Variants in CACFD1 observed in about 807,000 individuals in gnomAD.
CACFD1 encodes calcium channel flower domain containing 1.
In CACFD1, 26 loss-of-function variants were observed where a neutral mutation model predicts 21.3. The observed-to-expected ratio is 1.22, with a 90% CI of 0.89 to 1.69. The LOEUF (loss-of-function observed/expected upper bound fraction) is 1.69. Among genes scored for constraint, CACFD1 ranks in the 40% most tolerant of loss-of-function variants. The pLI is 0.00. For missense variants in CACFD1, 265 were observed against 236.2 expected, an observed-to-expected ratio of 1.12 and a Z score of -0.80; for synonymous variants, 121 against 106.6, an observed-to-expected ratio of 1.13 and a Z score of -0.83.
At chr9:133,460,441 G>A (rs587614279) in intron 1 of CACFD1, among the ~76,000 whole-genome samples, 1 of 145,420 alleles carries the variant, frequency 6.9e-6, no homozygotes, top group Non-Finnish European at 1.5e-5. Flanking sequence ...GAACATTCCC[G>A]GAGGGACCAG....
In CACFD1 at chr9:133,468,946, C is replaced by CCTGTGACCTG. The variant is rs1268562478; in HGVS notation, c.*304_*313dup. On this transcript the variant is annotated 3_prime_UTR_variant, in exon 5 of 5. Coordinates refer to ENST00000316948, the MANE Select transcript of CACFD1 (RefSeq NM_017586.5). Reference sequence around the variant, plus strand: ...AGATCTCACACCACAGACAGGGCTGCCTGTGACCTGCTGTGACCTGGGAGC... The same window carrying CCTGTGACCTG: ...AGATCTCACACCACAGACAGGGCTGCCTGTGACCTGCTGTGACCTGCTGTGACCTGGGAGC... The CCTGTGACCTG allele has an allele frequency of 2.3e-6, 1 of 442,164 alleles. No homozygotes were observed. Among genetic ancestry groups the CCTGTGACCTG allele is most frequent in the Non-Finnish European group, 4.0e-6 (1 of 251,904 alleles). The allele number at this position is 442,164 out of a possible 1,614,324, so 27.4% of individuals were successfully genotyped here.
chr9:133,468,692 C>G lies in CACFD1; in HGVS notation c.*39C>G. On this transcript the variant is annotated 3_prime_UTR_variant, in exon 5 of 5. Coordinates refer to ENST00000316948, the MANE Select transcript of CACFD1 (RefSeq NM_017586.5). The stretch of plus-strand genomic sequence containing the variant: ...CCTCCCTCCCTGTCCCCTCTTCTGG[C>G]TCTGTGTGGGTCCAAGTGAGGCCTG... 15 of 1,536,074 alleles carry G rather than the reference C, an allele frequency of 9.8e-6. No individual in the cohort carries two copies. Among genetic ancestry groups the G allele is most frequent in the Non-Finnish European group, 1.2e-5 (14 of 1,142,836 alleles).
At chr9:133,462,771 G>A (rs1449075891) in intron 1 of CACFD1, among the ~76,000 whole-genome samples, 5 of 152,242 alleles carry the variant, frequency 3.3e-5, no homozygotes, top group African/African-American at 1.2e-4. Flanking sequence ...CTGAGCATCA[G>A]AGAAGCCACG....
Position 133,461,493 on chromosome 9 carries a change from T to G in CACFD1, c.121+1306T>G, listed in dbSNP as rs78879538. Among the ~76,000 whole-genome samples, 1,314 of 152,330 alleles carry G rather than the reference T, an allele frequency of 8.6e-3. 19 individuals carry two copies. Among genetic ancestry groups the G allele is most frequent in the African/African-American group, 0.03 (1,259 of 41,566 alleles). ...AGTCCTGTCATGTCTGGTTAGCTGT[T>G]TTCCCTGCAGATTAGGGTGGGCAGT... On this transcript the variant is annotated intron_variant, in intron 1 of 4. Transcript: ENST00000316948.
chr9:133,468,399 CAGAG>C (rs1359987953), intron 4 of CACFD1, 160 bp from the exon 5 acceptor site: 19 of 1,535,868 alleles, frequency 1.2e-5, no homozygotes, highest in Non-Finnish European at 1.6e-5. Context: ...GGGCCATTCT[CAGAG>C]GGGACAAGAC....
At position 133,465,560 on chromosome 9, in the gene CACFD1, A is replaced by G. The variant is rs929582302; in HGVS notation, c.320+113A>G. On this transcript the variant is annotated intron_variant, in intron 3 of 4. Transcript: ENST00000316948. The surrounding 1 kb of genome is among the most constrained non-coding windows in gnomAD (Gnocchi z 5.0). ...AGTGTATTCAGTTCCTCTCTGTGGAAGTGTAAACTGGGATTGCCTTTGTGC... is the reference window on the plus strand; with the variant it reads ...AGTGTATTCAGTTCCTCTCTGTGGAGGTGTAAACTGGGATTGCCTTTGTGC... 7.2e-6 allele frequency: 8 copies of G among 1,114,448 alleles called. No homozygotes were observed. In the African/African-American group the frequency reaches 1.1e-4, roughly 15 times the overall value. The allele number at this position is 1,114,448 out of a possible 1,614,324, so 69.0% of individuals were successfully genotyped here.
At chr9:133,466,228 G>T (rs1261117730) in intron 3 of CACFD1, among the ~76,000 whole-genome samples, 1 of 152,182 alleles carries the variant, frequency 6.6e-6, no homozygotes, top group Non-Finnish European at 1.5e-5. Flanking sequence ...TACACGCAGT[G>T]TCATGTCCTT....
chr9:133,460,379 C>T (rs55659187), intron 1 of CACFD1, among the ~76,000 whole-genome samples, 192 bp downstream of exon 1: 1 of 145,974 alleles, frequency 6.9e-6, no homozygotes, highest in East Asian at 2.1e-4. Flanking sequence ...TGGTTACCCG[C>T]TCGGGCCTGG....
intron 1 of CACFD1, among the ~76,000 whole-genome samples, chr9:133,460,652 G>C (rs865798297): frequency 3.3e-5 from 5 of 152,350 alleles, no homozygotes; most frequent in Middle Eastern, 6.8e-3. Flanking sequence ...TAACCTTTGG[G>C]CAAGGATTGT....
Position 133,465,236 on chromosome 9 carries a change from C to A in CACFD1, c.195-86C>A. ...GAGGGCAGGAGGGTGAGGGAGGTGG[C>A]ATTCCTTATGGCACTGGCACTGGGG... On this transcript the variant is annotated intron_variant, in intron 2 of 4. Transcript: ENST00000316948. This position sits in a 1 kb window ranked among gnomAD's most constrained non-coding sequence, Gnocchi z 5.0. 1 of 1,487,216 alleles carries A rather than the reference C, an allele frequency of 6.7e-7. No homozygotes were observed. The highest frequency in any genetic ancestry group is 9.3e-7 in the Non-Finnish European group (1 of 1,072,630). 92.1% of individuals were successfully genotyped at this position (1,487,216 alleles called of 1,614,324 possible).
In CACFD1 at chr9:133,468,828, T is replaced by G. The variant is rs1588233157; in HGVS notation, c.*175T>G. The G allele has an allele frequency of 8.7e-7, 1 of 1,147,478 alleles. No homozygotes were observed. Among genetic ancestry groups the G allele is most frequent in the Non-Finnish European group, 1.2e-6 (1 of 840,368 alleles). 71.1% of individuals were successfully genotyped at this position (1,147,478 alleles called of 1,614,324 possible). ...GCTTAAGCCAGGAGCCACTGGCTGC[T>G]GGTGTGAGGGTCTGGGCTGCTGGAC... On this transcript the variant is annotated 3_prime_UTR_variant, in exon 5 of 5. Transcript: ENST00000316948.
chr9:133,465,188 C>A lies in CACFD1; in HGVS notation c.195-134C>A. 1 of 1,013,720 alleles carries A rather than the reference C, an allele frequency of 9.9e-7. No homozygotes were observed. 62.8% of individuals were successfully genotyped at this position (1,013,720 alleles called of 1,614,324 possible). ...GAGCAGGTGCCCTGGAGCAGCCGGG[C>A]GGCTTCCCAGAGGAGGAGGGATGAG... On this transcript the variant is annotated intron_variant, in intron 2 of 4. Transcript: ENST00000316948. This position sits in a 1 kb window ranked among gnomAD's most constrained non-coding sequence, Gnocchi z 5.0.
intron 1 of CACFD1, among the ~76,000 whole-genome samples, chr9:133,462,750 A>G (rs1843270734): frequency 6.6e-6 from 1 of 152,214 alleles, no homozygotes; most frequent in African/African-American, 2.4e-5. Context: ...CGGGGCGTCA[A>G]GGCTGCACAT....
Position 133,467,295 on chromosome 9 carries a change from C to T in CACFD1, c.321-626C>T, listed in dbSNP as rs112958410. Reference sequence around the variant, plus strand: ...AATCAGCCCCGGGGACGCTTAAGCCCCAGTGGACCCTGCCACCAGGTGACG... The same window carrying T: ...AATCAGCCCCGGGGACGCTTAAGCCTCAGTGGACCCTGCCACCAGGTGACG... On this transcript the variant is annotated intron_variant, in intron 3 of 4. Coordinates refer to ENST00000316948, the MANE Select transcript of CACFD1 (RefSeq NM_017586.5). 1.9e-4 allele frequency among the ~76,000 whole-genome samples: 29 copies of T among 152,332 alleles called. 1 individual carries two copies. The highest frequency in any genetic ancestry group is 6.5e-4 in the African/African-American group (27 of 41,578).
In CACFD1 at chr9:133,465,421, C is replaced by T. The variant is rs781785048; in HGVS notation, c.294C>T (p.Ser98=). ...TVAEKVDRLR[S]WQKAVFYCGM... ...CGGAGAAGGTGGACCGGCTGCGCTC[C>T]TGGCAGAAGGCTGTCTTCTACTGCG... Residue 98 remains serine, a synonymous_variant, in exon 3 of 5, where the codon TCC becomes TCT. Transcript: ENST00000316948. The surrounding 1 kb of genome is among the most constrained non-coding windows in gnomAD (Gnocchi z 5.0). 1 of 1,613,336 alleles carries T rather than the reference C, an allele frequency of 6.2e-7. No individual in the cohort carries two copies. The highest frequency in any genetic ancestry group is 2.2e-5 in the East Asian group (1 of 44,880).
At chr9:133,468,194 C>T in intron 4 of CACFD1, 166 bp downstream of exon 4, 1 of 1,129,830 alleles carries the variant, frequency 8.9e-7, no homozygotes, top group Non-Finnish European at 1.2e-6. Context: ...TGGGTGAAGA[C>T]AGAGGACTTA....
chr9:133,468,097 GA>G, intron 4 of CACFD1, 69 bp downstream of exon 4: 1 of 1,309,426 alleles, frequency 7.6e-7, no homozygotes, highest in Non-Finnish European at 1.1e-6. Context: ...CTTCAGTGAG[GA>G]GGATCTGAGA....
intron 1 of CACFD1, chr9:133,462,185 G>A: frequency 7.7e-7 from 1 of 1,304,264 alleles, no homozygotes; most frequent in South Asian, 1.2e-5. Flanking sequence ...GAGGCCAAAT[G>A]CTGACTGCAG....
At chr9:133,467,806 G>A (rs937719185) in intron 3 of CACFD1, 115 bp from the exon 4 acceptor site, 3 of 703,186 alleles carry the variant, frequency 4.3e-6, no homozygotes, top group Non-Finnish European at 7.5e-6. Flanking sequence ...GATTTTTGGG[G>A]ATCCTTCCTG....
Sources: gnomAD v4.1 joint callset for allele counts (sites outside exome capture counted in the v4.1 genomes callset) on GRCh38, gnomAD v4.1.1 for gene constraint, Gnocchi (gnomAD v3.1) non-coding constraint, MANE v1.5 for transcripts, NCBI Gene and HGNC (gene_info 2026-07-23, HGNC 2026-07-21) for gene names.